MAN1A1: variants seen among roughly 807,000 people sequenced by gnomAD.
MAN1A1 encodes the protein mannosidase alpha class 1A member 1.
In MAN1A1, 29 loss-of-function variants were observed where a neutral mutation model predicts 70.8. The observed-to-expected ratio is 0.41, with a 90% CI of 0.31 to 0.56. The LOEUF (loss-of-function observed/expected upper bound fraction) is 0.56. Among genes scored for constraint, MAN1A1 ranks in the 20% least tolerant of loss-of-function variants. The pLI, the probability that MAN1A1 is intolerant of heterozygous loss-of-function variation, is 0.29. For missense variants in MAN1A1, 747 were observed against 841.3 expected, an observed-to-expected ratio of 0.89 and a Z score of 1.39; for synonymous variants, 349 against 330.1, an observed-to-expected ratio of 1.06 and a Z score of -0.62.
At chr6:119,225,941 G>A (rs1455659890) in intron 6 of MAN1A1, among the ~76,000 whole-genome samples, 2 of 151,816 alleles carry the variant, frequency 1.3e-5, no homozygotes, top group Non-Finnish European at 2.9e-5. Context: ...TAGCTACAGA[G>A]GAAAAAACTA....
intron 4 of MAN1A1, among the ~76,000 whole-genome samples, chr6:119,300,798 C>A (rs1027475180): frequency 6.6e-6 from 1 of 152,138 alleles, no homozygotes; most frequent in Non-Finnish European, 1.5e-5. Context: ...CCTTTATATT[C>A]TAGATTCAAT....
chr6:119,294,101 T>C (rs1335107299), intron 4 of MAN1A1, among the ~76,000 whole-genome samples: 2 of 152,056 alleles, frequency 1.3e-5, no homozygotes, highest in African/African-American at 4.8e-5. Context: ...TAAATACTCA[T>C]CTTCTTTGGC....
intron 9 of MAN1A1, among the ~76,000 whole-genome samples, chr6:119,191,926 C>T (rs761532655): frequency 4.0e-4 from 61 of 152,132 alleles, no homozygotes; most frequent in African/African-American, 1.2e-3. Context: ...TAAGACAATG[C>T]TACTTCTCAA....
At chr6:119,218,506 C>T (rs1213568891) in intron 6 of MAN1A1, among the ~76,000 whole-genome samples, 1 of 151,790 alleles carries the variant, frequency 6.6e-6, no homozygotes. Context: ...AATATTAAAC[C>T]ACCGAAGATC....
chr6:119,231,571 C>G (rs866378202), intron 6 of MAN1A1, among the ~76,000 whole-genome samples: 2 of 152,100 alleles, frequency 1.3e-5, no homozygotes, highest in African/African-American at 2.4e-5. Context: ...TCTAGAGAAG[C>G]CTCCTCAAGG....
chr6:119,251,947 G>GA (rs1290230630), intron 5 of MAN1A1, among the ~76,000 whole-genome samples: 5 of 152,048 alleles, frequency 3.3e-5, no homozygotes, highest in Non-Finnish European at 7.4e-5. Context: ...TTACCTTCAG[G>GA]AATCTGTGTA....
At position 119,181,886 on chromosome 6, in the gene MAN1A1, A is replaced by T. The variant is rs528806215; in HGVS notation, c.1720-1459T>A. 2.6e-5 allele frequency among the ~76,000 whole-genome samples: 4 copies of T among 152,304 alleles called. No homozygotes were observed. The East Asian group carries it at 7.7e-4, about 29-fold the overall frequency. ...TGTGGATACACATCATCTTCTGTGG[A>T]TATACACCAAGAATTAGGATTGCTG... On this transcript the variant is annotated intron_variant, in intron 11 of 12. Coordinates refer to ENST00000368468, the MANE Select transcript of MAN1A1 (RefSeq NM_005907.4).
At chr6:119,223,689 A>T (rs1774427084) in intron 6 of MAN1A1, among the ~76,000 whole-genome samples, 2 of 152,158 alleles carry the variant, frequency 1.3e-5, no homozygotes, top group Non-Finnish European at 2.9e-5. Context: ...TGGCCTATTT[A>T]GGAGATCTGA....
chr6:119,260,973 A>ATTCCTTT (rs1775592037), intron 5 of MAN1A1, among the ~76,000 whole-genome samples: 1 of 55,706 alleles, frequency 1.8e-5, no homozygotes, highest in South Asian at 5.9e-4. Flanking sequence ...TTGTTTTTTT[A>ATTCCTTT]TTGTTTTTTT....
intron 5 of MAN1A1, among the ~76,000 whole-genome samples, chr6:119,287,658 G>A (rs190354833): frequency 6.6e-6 from 1 of 151,928 alleles, no homozygotes; most frequent in East Asian, 1.9e-4. Context: ...AAAGAATACA[G>A]GATGTAGCTC....
chr6:119,187,518 C>G (rs1773323364), intron 11 of MAN1A1, among the ~76,000 whole-genome samples: 1 of 152,128 alleles, frequency 6.6e-6, no homozygotes, highest in Admixed American at 6.5e-5. Flanking sequence ...GGATAATAAG[C>G]AAGATTCACC....
Position 119,201,345 on chromosome 6 carries a change from T to C in MAN1A1, c.1119A>G (p.Val373=), listed in dbSNP as rs1773708268. Residue 373 remains valine, a splice_region_variant and synonymous_variant, in exon 8 of 13, where the codon GTA becomes GTG. Transcript: ENST00000368468. ...LSGNPIFAEK[V]MNIRTVLNKL... ...TGTTCAGTACTGTTCGAATATTCAT[T>C]ACCTATAATAGAAAATAAAATGTTA... is the stretch of plus-strand genomic sequence containing the variant. The C allele has an allele frequency of 6.3e-7, 1 of 1,592,028 alleles. No individual in the cohort carries two copies.
intron 6 of MAN1A1, among the ~76,000 whole-genome samples, chr6:119,238,760 A>G (rs1488971500): frequency 6.6e-6 from 1 of 152,220 alleles, no homozygotes; most frequent in Non-Finnish European, 1.5e-5. Flanking sequence ...GTTCCATAAA[A>G]ACTATAGCAT....
At chr6:119,247,650 G>A (rs1187380697) in intron 6 of MAN1A1, among the ~76,000 whole-genome samples, 16 of 152,186 alleles carry the variant, frequency 1.1e-4, no homozygotes. Flanking sequence ...GTGTGTGTGT[G>A]TCTTTTCCAA....
intron 5 of MAN1A1, among the ~76,000 whole-genome samples, chr6:119,277,242 T>C (rs999601512): frequency 1.3e-4 from 20 of 152,158 alleles, no homozygotes; most frequent in African/African-American, 3.6e-4. Context: ...TGGGAAAACA[T>C]TTCATCATGT....
chr6:119,201,226 C>G (rs773469851), intron 8 of MAN1A1, 28 bp downstream of exon 8: 2 of 1,500,220 alleles, frequency 1.3e-6, no homozygotes, highest in Non-Finnish European at 9.3e-7. Context: ...CCAAAAAGAG[C>G]TATAATAATG....
Position 119,286,622 on chromosome 6 carries a change from T to C in MAN1A1, c.897+4061A>G, listed in dbSNP as rs73769035. On this transcript the variant is annotated intron_variant, in intron 5 of 12. Coordinates refer to ENST00000368468, the MANE Select transcript of MAN1A1 (RefSeq NM_005907.4). ...TACTGTAAAAATCCATTCTGTGTCT[T>C]TTACCAGTCTTGGATAAGATGTCTT... Among the ~76,000 whole-genome samples, 313 of 152,258 alleles carry C rather than the reference T, an allele frequency of 2.1e-3. 2 individuals are homozygous for C. Among genetic ancestry groups the C allele is most frequent in the African/African-American group, 7.4e-3 (309 of 41,562 alleles).
At chr6:119,298,746 G>A (rs1314955061) in intron 4 of MAN1A1, among the ~76,000 whole-genome samples, 1 of 151,816 alleles carries the variant, frequency 6.6e-6, no homozygotes, top group Admixed American at 6.6e-5. Flanking sequence ...ACAGGCGTGT[G>A]CCACCATGCC....
chr6:119,268,919 C>T (rs553878410), intron 5 of MAN1A1, among the ~76,000 whole-genome samples: 3 of 152,086 alleles, frequency 2.0e-5, no homozygotes, highest in Admixed American at 6.5e-5. Context: ...AACGAGTAGG[C>T]CATAGACAAA....
Sources: gnomAD v4.1 joint callset for allele counts (sites outside exome capture counted in the v4.1 genomes callset) on GRCh38, gnomAD v4.1.1 for gene constraint, MANE v1.5 for transcripts, NCBI Gene and HGNC (gene_info 2026-07-23, HGNC 2026-07-21) for gene names.